Variants in EDIL3 observed in about 807,000 individuals in gnomAD.
The protein encoded by EDIL3 is EGF like and discoidin domains 3.
A neutral mutation model predicts 67.4 loss-of-function variants in EDIL3; 37 were observed. The ratio of observed to expected loss-of-function variants is 0.55; its 90% CI spans 0.42 to 0.72. The LOEUF is 0.72. Among genes scored for constraint, EDIL3 ranks in the 30% least tolerant of loss-of-function variants. The pLI is 0.00. For synonymous variants in EDIL3, 195 were observed against 196.3 expected (o/e 0.99, Z 0.05); for missense variants, 527 against 586.3 (o/e 0.90, Z 1.04).
At chr5:84,176,775 G>GCC (rs1748923958) in intron 4 of EDIL3, among the ~76,000 whole-genome samples, 1 of 149,280 alleles carries the variant, frequency 6.7e-6, no homozygotes, top group African/African-American at 2.4e-5. Context: ...GTGTGTGCCT[G>GCC]TGTGTGAGCG....
chr5:84,357,278 T>G (rs1747506688), intron 1 of EDIL3, among the ~76,000 whole-genome samples: 1 of 152,094 alleles, frequency 6.6e-6, no homozygotes, highest in Non-Finnish European at 1.5e-5. Flanking sequence ...TTGTACAATT[T>G]CCATTTCCTT....
At chr5:84,069,893 C>A (rs1410184638) in intron 6 of EDIL3, among the ~76,000 whole-genome samples, 2 of 152,084 alleles carry the variant, frequency 1.3e-5, no homozygotes, top group Non-Finnish European at 2.9e-5. Flanking sequence ...AGCAGCTGGG[C>A]ACTGAGAGGA....
chr5:84,072,131 A>G (rs956552190), intron 6 of EDIL3, among the ~76,000 whole-genome samples: 1 of 152,288 alleles, frequency 6.6e-6, no homozygotes, highest in African/African-American at 2.4e-5. Flanking sequence ...CACTAGATTT[A>G]AAAATGTTAT....
intron 1 of EDIL3, among the ~76,000 whole-genome samples, chr5:84,325,580 G>A (rs560673214): frequency 9.9e-5 from 15 of 151,978 alleles, no homozygotes; most frequent in Non-Finnish European, 1.9e-4. Flanking sequence ...TCGTATTGTG[G>A]CTCCTCAAAA....
chr5:84,097,830 G>A (rs1371023629), intron 6 of EDIL3, among the ~76,000 whole-genome samples: 1 of 151,770 alleles, frequency 6.6e-6, no homozygotes, highest in Non-Finnish European at 1.5e-5. Context: ...AAAACACAGA[G>A]AAATTGACAC....
intron 3 of EDIL3, among the ~76,000 whole-genome samples, chr5:84,187,288 C>T (rs1023315461): frequency 6.6e-6 from 1 of 152,042 alleles, no homozygotes; most frequent in African/African-American, 2.4e-5. Flanking sequence ...TTTTCTGCAT[C>T]TATCTCCTCA....
chr5:84,149,365 G>C (rs2112328318), intron 4 of EDIL3, among the ~76,000 whole-genome samples: 1 of 152,280 alleles, frequency 6.6e-6, no homozygotes, highest in South Asian at 2.1e-4. Flanking sequence ...CAAGAGAACT[G>C]CCAATTCCCA....
chr5:84,183,822 C>A (rs530454713), intron 3 of EDIL3, among the ~76,000 whole-genome samples: 1 of 152,178 alleles, frequency 6.6e-6, no homozygotes, highest in Non-Finnish European at 1.5e-5. Flanking sequence ...AACAGTGATT[C>A]TGGGCAGGTG....
intron 3 of EDIL3, among the ~76,000 whole-genome samples, chr5:84,184,928 A>C (rs1181438984): frequency 6.6e-6 from 1 of 152,132 alleles, no homozygotes; most frequent in Non-Finnish European, 1.5e-5. Context: ...TATTTTTCCT[A>C]CTCCAAGAAA....
intron 1 of EDIL3, among the ~76,000 whole-genome samples, chr5:84,359,707 G>T (rs536973925): frequency 2.7e-4 from 41 of 152,284 alleles, no homozygotes; most frequent in Non-Finnish European, 4.7e-4. Context: ...AGGAAACGGG[G>T]TTATTCAGCC....
At chr5:84,123,025 C>T (rs1033585379) in intron 5 of EDIL3, among the ~76,000 whole-genome samples, 5 of 151,908 alleles carry the variant, frequency 3.3e-5, no homozygotes, top group African/African-American at 1.2e-4. Context: ...TCAAGAACTT[C>T]TACAGCCTTA....
At chr5:84,016,449 T>G (rs557760028) in intron 9 of EDIL3, among the ~76,000 whole-genome samples, 3 of 152,172 alleles carry the variant, frequency 2.0e-5, no homozygotes, top group Non-Finnish European at 4.4e-5. Context: ...GTGTTTTGTA[T>G]ATGCTGTAAT....
intron 1 of EDIL3, among the ~76,000 whole-genome samples, chr5:84,354,958 G>T (rs779596411): frequency 6.6e-6 from 1 of 151,934 alleles, no homozygotes; most frequent in Non-Finnish European, 1.5e-5. Flanking sequence ...ACGATTATGC[G>T]TCTTTGGGTT....
chr5:83,984,569 G>A (rs546808207), intron 9 of EDIL3, among the ~76,000 whole-genome samples: 4 of 152,178 alleles, frequency 2.6e-5, no homozygotes, highest in African/African-American at 9.6e-5. Flanking sequence ...TTCTAATAAT[G>A]CTTGGCTCAG....
chr5:83,960,991 T>C (rs966894701), intron 10 of EDIL3, among the ~76,000 whole-genome samples: 1 of 150,956 alleles, frequency 6.6e-6, no homozygotes, highest in African/African-American at 2.4e-5. Context: ...TGAGTACAAA[T>C]AGGTTAAAAG....
At chr5:84,309,590 G>A (rs529016920) in intron 1 of EDIL3, among the ~76,000 whole-genome samples, 22 of 151,210 alleles carry the variant, frequency 1.5e-4, no homozygotes, top group South Asian at 4.2e-4. Context: ...GAGAATATAC[G>A]GTGTTTGGTT....
At chr5:84,218,805 G>A (rs1179190498) in intron 3 of EDIL3, among the ~76,000 whole-genome samples, 2 of 152,290 alleles carry the variant, frequency 1.3e-5, no homozygotes, top group Admixed American at 6.5e-5. Flanking sequence ...GGGCAGTGGT[G>A]GCCATGGGGA....
At chr5:84,078,435 T>C (rs1387313215) in intron 6 of EDIL3, among the ~76,000 whole-genome samples, 1 of 152,156 alleles carries the variant, frequency 6.6e-6, no homozygotes, top group Non-Finnish European at 1.5e-5. Flanking sequence ...CACAGTACCA[T>C]GTATGTAAAT....
chr5:84,319,323 G>C (rs1435003967), intron 1 of EDIL3, among the ~76,000 whole-genome samples: 1 of 111,954 alleles, frequency 8.9e-6, no homozygotes, highest in African/African-American at 3.2e-5. Flanking sequence ...AATTAGCCGG[G>C]CGCAGTGGCG....
Sources: allele counts gnomAD v4.1 joint callset (sites outside exome capture counted in the v4.1 genomes callset), GRCh38; gene constraint gnomAD v4.1.1; transcripts MANE v1.5; gene names NCBI Gene and HGNC (gene_info 2026-07-23, HGNC 2026-07-21).